The following AKAP13 variants were observed in gnomAD, a reference collection of about 807,000 sequenced individuals.
The protein encoded by AKAP13 is A-kinase anchor protein 13.
A neutral mutation model predicts 264.5 loss-of-function variants in AKAP13; 80 were observed. That is an observed-to-expected ratio of 0.30 (90% CI 0.25 to 0.36). AKAP13 has a LOEUF of 0.36. AKAP13 is among the 10% of genes least tolerant of loss of function. The pLI, the probability that AKAP13 is intolerant of heterozygous loss-of-function variation, is 1.00. For missense variants in AKAP13, 3,712 were observed against 3,435.2 expected (o/e 1.08, Z -2.01); for synonymous variants, 1,380 against 1,250.2 (o/e 1.10, Z -2.19).
intron 1 of AKAP13, among the ~76,000 whole-genome samples, chr15:85,414,065 T>C (rs1301165374): frequency 6.6e-6 from 1 of 152,146 alleles, no homozygotes; most frequent in East Asian, 1.9e-4. Flanking sequence ...GGAAAAAAGG[T>C]GTAACTCTTT....
At chr15:85,597,940 C>G (rs2079890978) in intron 8 of AKAP13, among the ~76,000 whole-genome samples, 1 of 152,008 alleles carries the variant, frequency 6.6e-6, no homozygotes, top group African/African-American at 2.4e-5. Context: ...TTGTCATGTT[C>G]TTCCTTAGGG....
intron 8 of AKAP13, chr15:85,619,770 G>A: frequency 9.4e-7 from 1 of 1,062,672 alleles, no homozygotes; most frequent in Non-Finnish European, 1.1e-6. Flanking sequence ...AACGGTGTTT[G>A]CTTCTCTTTC....
At chr15:85,589,593 T>A (rs866293915) in intron 8 of AKAP13, among the ~76,000 whole-genome samples, 35 of 122,470 alleles carry the variant, frequency 2.9e-4, no homozygotes, top group South Asian at 5.2e-4. Context: ...TTGTCTCCAC[T>A]AAAAAAAAAA....
chr15:85,653,733 A>G (rs2082973182), intron 10 of AKAP13, among the ~76,000 whole-genome samples: 1 of 152,176 alleles, frequency 6.6e-6, no homozygotes, highest in Non-Finnish European at 1.5e-5. Flanking sequence ...AAATATTGTG[A>G]AAAAGGGAAA....
intron 1 of AKAP13, among the ~76,000 whole-genome samples, chr15:85,401,854 G>T (rs539221091): frequency 1.5e-4 from 23 of 152,270 alleles, no homozygotes; most frequent in African/African-American, 5.1e-4. Context: ...AATAATAAGA[G>T]AATGAGTAAC....
rs2083084455 is a variant in AKAP13 at position 85,656,184 on chromosome 15, A to C, written c.4745+397A>C. Among the ~76,000 whole-genome samples the C allele has an allele frequency of 2.6e-5, 4 of 152,346 alleles. No homozygotes were observed. In the South Asian group the frequency reaches 8.3e-4, roughly 32 times the overall value. ...ACTTTGAATTAAGAAACAAACATGA[A>C]GTCTTACAGTCTTAACACATCAAAG... On this transcript the variant is annotated intron_variant, in intron 11 of 36. Coordinates refer to ENST00000394518, the MANE Select transcript of AKAP13 (RefSeq NM_007200.5).
chr15:85,439,897 C>T (rs891820008), intron 1 of AKAP13, among the ~76,000 whole-genome samples: 12 of 149,934 alleles, frequency 8.0e-5, no homozygotes, highest in East Asian at 3.9e-4. Context: ...GTGCAGCGCA[C>T]GAGCATGGCA....
rs560064202 is a variant in AKAP13, at chr15:85,486,817, C to T, written c.33+1064C>T. On this transcript the variant is annotated intron_variant, in intron 2 of 36. Coordinates refer to ENST00000394518, the MANE Select transcript of AKAP13 (RefSeq NM_007200.5). ...GCAGTGGCGCGATCTTGGCTCACTG[C>T]GAGCTCCGCCTCCCAGGTTCACGCC... 1.8e-4 allele frequency among the ~76,000 whole-genome samples: 27 copies of T among 146,922 alleles called. 1 individual carries two copies. Among genetic ancestry groups the T allele is most frequent in the Admixed American group, 1.4e-3 (20 of 14,354 alleles).
chr15:85,631,348 A>G (rs972403333), intron 8 of AKAP13, among the ~76,000 whole-genome samples: 1 of 152,148 alleles, frequency 6.6e-6, no homozygotes, highest in African/African-American at 2.4e-5. Flanking sequence ...GTTTAAAATT[A>G]CATAGTGGTG....
rs117511139 is a variant in AKAP13 at position 85,728,731 on chromosome 15, A to G, written c.7087+1268A>G. On this transcript the variant is annotated intron_variant, in intron 29 of 36. Coordinates refer to ENST00000394518, the MANE Select transcript of AKAP13 (RefSeq NM_007200.5). Reference sequence around the variant, plus strand: ...GTGCAAAGGTGAAAAAGGACTTGACATGTCTGCCAAGGAATGACAGGTTCG... The same window carrying G: ...GTGCAAAGGTGAAAAAGGACTTGACGTGTCTGCCAAGGAATGACAGGTTCG... Among the ~76,000 whole-genome samples, 47 of 152,256 alleles carry G rather than the reference A, an allele frequency of 3.1e-4. No individual in the cohort carries two copies. In the East Asian group the frequency reaches 7.9e-3, roughly 26 times the overall value.
At chr15:85,393,925 A>G (rs2070988040) in intron 1 of AKAP13, among the ~76,000 whole-genome samples, 1 of 152,208 alleles carries the variant, frequency 6.6e-6, no homozygotes, top group African/African-American at 2.4e-5. Context: ...TTTTCCTAGA[A>G]TTCTTAAAAA....
At chr15:85,508,462 G>C (rs769259030) in intron 2 of AKAP13, among the ~76,000 whole-genome samples, 1 of 150,946 alleles carries the variant, frequency 6.6e-6, no homozygotes, top group Non-Finnish European at 1.5e-5. Flanking sequence ...TTTTTTTAAA[G>C]GTAAGGGGTT....
At chr15:85,604,741 G>A (rs980821530) in intron 8 of AKAP13, among the ~76,000 whole-genome samples, 2 of 151,204 alleles carry the variant, frequency 1.3e-5, no homozygotes, top group African/African-American at 4.9e-5. Context: ...TGGGATTACA[G>A]GCATGAACTG....
chr15:85,703,523 G>A (rs1482528293), intron 17 of AKAP13, among the ~76,000 whole-genome samples: 2 of 152,110 alleles, frequency 1.3e-5, no homozygotes, highest in Non-Finnish European at 2.9e-5. Context: ...AGTCCAGATA[G>A]GGCGATGTCT....
At chr15:85,395,237 G>T (rs1015957076) in intron 1 of AKAP13, among the ~76,000 whole-genome samples, 2 of 152,266 alleles carry the variant, frequency 1.3e-5, no homozygotes, top group East Asian at 3.9e-4. Context: ...TAATGAATGA[G>T]AATCTGTTCT....
At chr15:85,548,845 T>C (rs2077849863) in intron 5 of AKAP13, among the ~76,000 whole-genome samples, 2 of 152,020 alleles carry the variant, frequency 1.3e-5, no homozygotes, top group African/African-American at 4.8e-5. Context: ...GGTCTACTTC[T>C]GTGAAACTGT....
intron 29 of AKAP13, among the ~76,000 whole-genome samples, chr15:85,728,637 A>G (rs2151745481): frequency 6.6e-6 from 1 of 152,274 alleles, no homozygotes; most frequent in Admixed American, 6.5e-5. Context: ...GCCTCTAGTA[A>G]GTCTCACAGA....
intron 13 of AKAP13, among the ~76,000 whole-genome samples, chr15:85,665,295 A>T (rs1358985574): frequency 6.6e-6 from 1 of 152,242 alleles, no homozygotes; most frequent in Non-Finnish European, 1.5e-5. Flanking sequence ...GAAAGTATCC[A>T]GGATATTAAA....
chr15:85,529,421 A>AAAAG (rs1404834239), intron 3 of AKAP13, among the ~76,000 whole-genome samples: 1 of 152,182 alleles, frequency 6.6e-6, no homozygotes, highest in Non-Finnish European at 1.5e-5. Context: ...ACTCCGTCTC[A>AAAAG]AAATAAATAA....
Sources: gnomAD v4.1 joint callset for allele counts (sites outside exome capture counted in the v4.1 genomes callset) on GRCh38, gnomAD v4.1.1 for gene constraint, MANE v1.5 for transcripts, NCBI Gene and HGNC (gene_info 2026-07-23, HGNC 2026-07-21) for gene names.